SNTG1: variants seen among roughly 807,000 people sequenced by gnomAD.
The protein encoded by SNTG1 is syntrophin gamma 1.
SNTG1 carries 39 observed loss-of-function variants against 74.7 expected under a neutral mutation model. That is an observed-to-expected ratio of 0.52 (90% CI 0.40 to 0.68). SNTG1 has a LOEUF of 0.68. Among genes scored for constraint, SNTG1 ranks in the 30% least tolerant of loss-of-function variants. The pLI is 0.00. For synonymous variants in SNTG1, 254 were observed against 217.1 expected (o/e 1.17, Z -1.49); for missense variants, 685 against 609.5 (o/e 1.12, Z -1.30).
chr8:50,477,751 G>A (rs1379920814), intron 8 of SNTG1, among the ~76,000 whole-genome samples: 1 of 152,134 alleles, frequency 6.6e-6, no homozygotes, highest in Non-Finnish European at 1.5e-5. Flanking sequence ...GGAACTCTCT[G>A]TGCTGTCTTT....
intron 1 of SNTG1, among the ~76,000 whole-genome samples, chr8:50,141,665 C>T (rs1010772016): frequency 4.6e-5 from 7 of 151,958 alleles, no homozygotes; most frequent in African/African-American, 1.5e-4. Flanking sequence ...AACAAAATGA[C>T]ATGAAATCCA....
intron 15 of SNTG1, among the ~76,000 whole-genome samples, chr8:50,686,444 A>G (rs1202868451): frequency 6.6e-6 from 1 of 152,218 alleles, no homozygotes; most frequent in African/African-American, 2.4e-5. Flanking sequence ...CAGTATTTGA[A>G]GAATATGTCA....
chr8:50,612,419 A>G (rs914436957), intron 13 of SNTG1, among the ~76,000 whole-genome samples: 4 of 152,198 alleles, frequency 2.6e-5, no homozygotes, highest in African/African-American at 9.6e-5. Flanking sequence ...TGCTTTCTCT[A>G]AATTTCTCTT....
chr8:50,396,501 T>C (rs1181266107), intron 3 of SNTG1, among the ~76,000 whole-genome samples: 1 of 152,192 alleles, frequency 6.6e-6, no homozygotes, highest in Non-Finnish European at 1.5e-5. Flanking sequence ...AGATGCAGTT[T>C]GAAGCACTTT....
chr8:49,911,582 A>AT lies in SNTG1; in HGVS notation c.-752_-751insT, dbSNP rs1443417293. On this transcript the variant is annotated 5_prime_UTR_variant, in exon 1 of 19. Transcript: ENST00000642720. ...AAAAAAAGAAAGAAAAAAGAAAAAA[A>AT]AAAGAACCGGAGGGGAGAAGGCTAG... 6.6e-6 allele frequency: 1 copy of AT among 151,926 alleles called. No homozygotes were observed. The highest frequency in any genetic ancestry group is 1.5e-5 in the Non-Finnish European group (1 of 67,996). 9.4% of individuals were successfully genotyped at this position (151,926 alleles called of 1,614,324 possible).
chr8:49,941,237 A>G (rs1319886121), intron 1 of SNTG1, among the ~76,000 whole-genome samples: 1 of 152,052 alleles, frequency 6.6e-6, no homozygotes, highest in East Asian at 1.9e-4. Flanking sequence ...GCCTCCGTGC[A>G]GTTCCTTTTG....
chr8:50,246,998 C>G (rs904807521), intron 2 of SNTG1, among the ~76,000 whole-genome samples: 18 of 152,160 alleles, frequency 1.2e-4, no homozygotes, highest in African/African-American at 4.1e-4. Context: ...TTGTCTGTAG[C>G]TGATCTGGAC....
At chr8:50,744,396 A>T (rs1013664972) in intron 17 of SNTG1, among the ~76,000 whole-genome samples, 1 of 152,040 alleles carries the variant, frequency 6.6e-6, no homozygotes, top group Non-Finnish European at 1.5e-5. Flanking sequence ...AAAGTCTTGT[A>T]TACTAAAATC....
At chr8:50,635,043 C>T (rs1306284887) in intron 13 of SNTG1, among the ~76,000 whole-genome samples, 1 of 152,106 alleles carries the variant, frequency 6.6e-6, no homozygotes, top group Non-Finnish European at 1.5e-5. Context: ...ATGTAAAATA[C>T]ATTCAACCTT....
intron 12 of SNTG1, among the ~76,000 whole-genome samples, chr8:50,557,371 T>A (rs1339747821): frequency 6.6e-6 from 1 of 152,242 alleles, no homozygotes; most frequent in Non-Finnish European, 1.5e-5. Flanking sequence ...ATTAGTTTCC[T>A]AAAATTCCAA....
In SNTG1 at chr8:50,629,139, T is replaced by C. The variant is rs1208659016; in HGVS notation, c.850-27770T>C. Among the ~76,000 whole-genome samples the C allele has an allele frequency of 4.6e-5, 7 of 152,160 alleles. No individual in the cohort carries two copies. The South Asian group carries it at 1.2e-3, about 27-fold the overall frequency. Reference sequence around the variant, plus strand: ...TCAGTTGTAAGATAATTTCTGGGGATCTAATGCACAGCATGAGGACTATAC... The same window carrying C: ...TCAGTTGTAAGATAATTTCTGGGGACCTAATGCACAGCATGAGGACTATAC... On this transcript the variant is annotated intron_variant, in intron 13 of 18. Coordinates refer to ENST00000642720, the MANE Select transcript of SNTG1 (RefSeq NM_018967.5).
chr8:50,213,941 C>T (rs1467885985), intron 2 of SNTG1, among the ~76,000 whole-genome samples: 1 of 151,762 alleles, frequency 6.6e-6, no homozygotes, highest in Non-Finnish European at 1.5e-5. Context: ...TAATTAGATC[C>T]CATTTGTCAA....
intron 17 of SNTG1, among the ~76,000 whole-genome samples, chr8:50,712,025 T>G (rs1356119968): frequency 6.6e-6 from 1 of 152,234 alleles, no homozygotes; most frequent in Non-Finnish European, 1.5e-5. Context: ...TTAATTAATT[T>G]TATATAGTGA....
intron 1 of SNTG1, among the ~76,000 whole-genome samples, chr8:49,928,447 T>C (rs1018990138): frequency 1.1e-4 from 16 of 152,128 alleles, no homozygotes; most frequent in African/African-American, 3.9e-4. Flanking sequence ...GCCAGGCTGC[T>C]CTCGAACTCC....
At chr8:50,053,770 A>C (rs974575674) in intron 1 of SNTG1, among the ~76,000 whole-genome samples, 2 of 151,772 alleles carry the variant, frequency 1.3e-5, no homozygotes, top group Admixed American at 1.3e-4. Context: ...TCTTGAAATT[A>C]ATTCCAGCCA....
chr8:50,551,784 T>C (rs2094428481), intron 11 of SNTG1, among the ~76,000 whole-genome samples: 1 of 152,154 alleles, frequency 6.6e-6, no homozygotes, highest in African/African-American at 2.4e-5. Context: ...AAAGAGCATA[T>C]CTAAGCACAT....
intron 8 of SNTG1, among the ~76,000 whole-genome samples, chr8:50,454,509 C>CAAACA (rs1013494714): frequency 1.0e-4 from 15 of 149,922 alleles, no homozygotes; most frequent in Admixed American, 6.0e-4. Flanking sequence ...AATAAACAAA[C>CAAACA]AAACAAAACA....
intron 8 of SNTG1, among the ~76,000 whole-genome samples, chr8:50,480,220 G>A (rs1011524645): frequency 2.8e-5 from 4 of 144,200 alleles, no homozygotes; most frequent in African/African-American, 7.4e-5. Context: ...ATTTTAATTC[G>A]CTCTGATTGT....
chr8:50,000,854 TAGG>T (rs2130443636), intron 1 of SNTG1, among the ~76,000 whole-genome samples: 1 of 152,326 alleles, frequency 6.6e-6, no homozygotes, highest in East Asian at 1.9e-4. Context: ...TTGTTTATTT[TAGG>T]AGAACAAGTG....
Sources: allele counts gnomAD v4.1 joint callset (sites outside exome capture counted in the v4.1 genomes callset), GRCh38; gene constraint gnomAD v4.1.1; transcripts MANE v1.5; gene names NCBI Gene and HGNC (gene_info 2026-07-23, HGNC 2026-07-21).